Variants in CUL2 observed in about 807,000 individuals in gnomAD.
The protein encoded by CUL2 is cullin-2.
In CUL2, 22 loss-of-function variants were observed where a neutral mutation model predicts 110.2. The observed-to-expected ratio is 0.20, with a 90% CI of 0.14 to 0.28. The LOEUF is 0.28. Among genes scored for constraint, CUL2 ranks in the 10% least tolerant of loss-of-function variants. CUL2 has a pLI of 1.00. For missense variants in CUL2, 631 were observed against 905.5 expected (o/e 0.70, Z 3.89); for synonymous variants, 279 against 293.2 (o/e 0.95, Z 0.49).
chr10:35,101,146 A>C (rs1299957631), intron 1 of CUL2: 3 of 152,218 alleles, frequency 2.0e-5, no homozygotes, highest in African/African-American at 7.2e-5. Flanking sequence ...TCAGATCATG[A>C]GGTTTCCAGC....
intron 10 of CUL2, among the ~76,000 whole-genome samples, chr10:35,034,305 A>G (rs553303158): frequency 6.6e-6 from 1 of 152,350 alleles, no homozygotes; most frequent in East Asian, 1.9e-4. Context: ...ATAAACCTGA[A>G]TACTATAAAC....
At chr10:35,012,382 T>C (rs927335972) in intron 19 of CUL2, among the ~76,000 whole-genome samples, 14 of 152,184 alleles carry the variant, frequency 9.2e-5, no homozygotes, top group African/African-American at 3.4e-4. Flanking sequence ...TGCAAGATCA[T>C]TTTCTTATCA....
chr10:35,115,367 C>T (rs1227268786), intron 1 of CUL2, among the ~76,000 whole-genome samples: 3 of 151,312 alleles, frequency 2.0e-5, no homozygotes, highest in African/African-American at 7.3e-5. Context: ...CAAGACCAGC[C>T]TGGCAAACAT....
At chr10:35,022,389 C>A (rs1433146520) in intron 17 of CUL2, among the ~76,000 whole-genome samples, 1 of 152,140 alleles carries the variant, frequency 6.6e-6, no homozygotes, top group Admixed American at 6.5e-5. Flanking sequence ...AAAAATTAAC[C>A]TTTTCTTGGG....
At chr10:35,059,424 T>A (rs189521746) in intron 4 of CUL2, among the ~76,000 whole-genome samples, 23 of 152,234 alleles carry the variant, frequency 1.5e-4, no homozygotes, top group African/African-American at 5.5e-4. Flanking sequence ...GGCAAAAGGA[T>A]TACAACTTGC....
In CUL2 at chr10:35,028,947, A is replaced by G. The variant is rs142165581; in HGVS notation, c.1540-60T>C. On this transcript the variant is annotated intron_variant, in intron 15 of 20. Transcript: ENST00000374749. ...TGGATCAACATCTAAATTCAAAGTA[A>G]ATATTTATTAAATAATCTAAGCATC... 6.6e-4 allele frequency: 666 copies of G among 1,008,082 alleles called. 2 individuals carry two copies. In the African/African-American group the frequency reaches 9.5e-3, roughly 14 times the overall value. 62.4% of individuals were successfully genotyped at this position (1,008,082 alleles called of 1,614,324 possible).
chr10:35,046,279 C>G (rs1227805230), intron 6 of CUL2, among the ~76,000 whole-genome samples: 1 of 152,204 alleles, frequency 6.6e-6, no homozygotes, highest in Non-Finnish European at 1.5e-5. Context: ...CACATTCAAT[C>G]TGGTGAGATA....
intron 10 of CUL2, among the ~76,000 whole-genome samples, chr10:35,034,350 A>G (rs1245205515): frequency 6.6e-6 from 1 of 152,254 alleles, no homozygotes; most frequent in African/African-American, 2.4e-5. Flanking sequence ...ACTGTGGTAA[A>G]GGGAATTTGA....
At chr10:35,104,281 T>C (rs2087425795) in intron 1 of CUL2, among the ~76,000 whole-genome samples, 1 of 152,198 alleles carries the variant, frequency 6.6e-6, no homozygotes, top group African/African-American at 2.4e-5. Flanking sequence ...ACCCTGTCTT[T>C]AGAAAAATAC....
Position 35,010,272 on chromosome 10 carries a change from G to A in CUL2, c.*39C>T, listed in dbSNP as rs2084865851. 1 of 1,541,288 alleles carries A rather than the reference G, an allele frequency of 6.5e-7. No homozygotes were observed. The highest frequency in any genetic ancestry group is 8.8e-7 in the Non-Finnish European group (1 of 1,140,474). ...CCACAGGAACACACCAAATGGTGAT[G>A]GCAATGATCTTCTCACACCACGCTG... On this transcript the variant is annotated 3_prime_UTR_variant, in exon 21 of 21. Coordinates refer to ENST00000374749, the MANE Select transcript of CUL2 (RefSeq NM_003591.4).
At chr10:35,070,788 A>G (rs1224135686) in intron 2 of CUL2, among the ~76,000 whole-genome samples, 1 of 152,136 alleles carries the variant, frequency 6.6e-6, no homozygotes, top group Non-Finnish European at 1.5e-5. Flanking sequence ...TTGGCCACCC[A>G]TTCTAAAAGA....
rs757621625 is a variant in CUL2, at chr10:35,032,457, G to A, written c.1148C>T (p.Ser383Phe). 5 of 1,590,862 alleles carry A rather than the reference G, an allele frequency of 3.1e-6. No individual in the cohort carries two copies. In the South Asian group the frequency reaches 5.8e-5, roughly 18 times the overall value. The change falls in exon 12 of 21, where the codon TCT (serine) becomes TTT (phenylalanine). Residue 383 changes from serine (S) to phenylalanine (F), a missense_variant. Transcript: ENST00000374749. Reference sequence around the variant, plus strand: ...TACCAGTTCAGGTGCTTTGCAAACAGACTTAGGTTCTCTGTAATTTACAAC... The same window carrying A: ...TACCAGTTCAGGTGCTTTGCAAACAAACTTAGGTTCTCTGTAATTTACAAC... ...TSVVNYREPK[S>F]VCKAPELLAK...
chr10:35,082,768 A>G (rs2086973858), intron 1 of CUL2, among the ~76,000 whole-genome samples: 1 of 152,208 alleles, frequency 6.6e-6, no homozygotes, highest in South Asian at 2.1e-4. Flanking sequence ...AAATATCTTG[A>G]GATAAAATTT....
intron 17 of CUL2, among the ~76,000 whole-genome samples, chr10:35,018,174 C>A (rs2085088775): frequency 6.7e-6 from 1 of 148,848 alleles, no homozygotes. Flanking sequence ...GTAATCCCAG[C>A]TACTCGGGAG....
At chr10:35,096,249 G>GAA (rs71033375) in intron 2 of CUL2, among the ~76,000 whole-genome samples, 64 of 151,694 alleles carry the variant, frequency 4.2e-4, no homozygotes, top group Non-Finnish European at 6.2e-4. Context: ...TCTCAGAAAA[G>GAA]AAAAAAACAA....
intron 1 of CUL2, chr10:35,074,146 C>A: frequency 6.6e-7 from 1 of 1,526,060 alleles, no homozygotes; most frequent in South Asian, 1.2e-5. Context: ...ACTTCAAGAT[C>A]AGAATCTCAG....
rs2085489378 is a variant in CUL2, at chr10:35,031,928, AAT to A, written c.1171-311_1171-310del. On this transcript the variant is annotated intron_variant, in intron 12 of 20. Coordinates refer to ENST00000374749, the MANE Select transcript of CUL2 (RefSeq NM_003591.4). This position sits in a 1 kb window ranked among gnomAD's most constrained non-coding sequence, Gnocchi z 4.4. ...ATAATCATAAATGTAAACTAAATAAAATATACATCATAAGGTAAATTTTTAAA... is the reference window on the plus strand; with the variant it reads ...ATAATCATAAATGTAAACTAAATAAAATACATCATAAGGTAAATTTTTAAA... Among the ~76,000 whole-genome samples, 1 of 152,232 alleles carries A rather than the reference AAT, an allele frequency of 6.6e-6. No homozygotes were observed. Among genetic ancestry groups the A allele is most frequent in the South Asian group, 2.1e-4 (1 of 4,830 alleles).
At chr10:35,065,487 C>T (rs1305728209) in intron 2 of CUL2, among the ~76,000 whole-genome samples, 2 of 152,232 alleles carry the variant, frequency 1.3e-5, no homozygotes, top group Admixed American at 1.3e-4. Flanking sequence ...GGCGTGGTGA[C>T]AGGTGCCTGT....
At chr10:35,070,703 C>T (rs552198238) in intron 2 of CUL2, among the ~76,000 whole-genome samples, 7 of 152,172 alleles carry the variant, frequency 4.6e-5, no homozygotes, top group African/African-American at 7.2e-5. Context: ...ACTCTTCCCC[C>T]CAAAATCACA....
Sources: allele counts gnomAD v4.1 joint callset (sites outside exome capture counted in the v4.1 genomes callset), GRCh38; gene constraint gnomAD v4.1.1; non-coding constraint Gnocchi (gnomAD v3.1); transcripts MANE v1.5; gene names NCBI Gene and HGNC (gene_info 2026-07-23, HGNC 2026-07-21).